SPON1: variants seen among roughly 807,000 people sequenced by gnomAD.
SPON1 encodes spondin 1, also known as spondin-1.
A neutral mutation model predicts 111.7 loss-of-function variants in SPON1; 52 were observed. The ratio of observed to expected loss-of-function variants is 0.47; its 90% CI spans 0.37 to 0.59. SPON1 has a LOEUF of 0.59. SPON1 is among the 20% of genes least tolerant of loss of function. The pLI is 0.00. For missense variants in SPON1, 957 were observed against 1,068.5 expected, an observed-to-expected ratio of 0.90 and a Z score of 1.46; for synonymous variants, 410 against 395.8, an observed-to-expected ratio of 1.04 and a Z score of -0.43.
intron 3 of SPON1, among the ~76,000 whole-genome samples, chr11:14,057,249 C>T (rs150776870): frequency 6.6e-4 from 100 of 152,280 alleles, no homozygotes; most frequent in African/African-American, 1.6e-3. Flanking sequence ...GAGAAGAAAA[C>T]GACACAGTGC....
intron 6 of SPON1, among the ~76,000 whole-genome samples, chr11:14,174,962 T>C (rs913231976): frequency 6.4e-5 from 9 of 140,286 alleles, no homozygotes; most frequent in Non-Finnish European, 1.0e-4. Flanking sequence ...CAGTTTCTTT[T>C]TTTATAGGAG....
At chr11:14,162,001 C>CA (rs1324469555) in intron 6 of SPON1, among the ~76,000 whole-genome samples, 25 of 150,790 alleles carry the variant, frequency 1.7e-4, no homozygotes, top group East Asian at 3.9e-4. Flanking sequence ...TAAAAATATA[C>CA]AAAAAAAATG....
chr11:14,180,892 G>T (rs557405858), intron 6 of SPON1, among the ~76,000 whole-genome samples: 11 of 152,292 alleles, frequency 7.2e-5, no homozygotes, highest in Admixed American at 7.2e-4. Flanking sequence ...TAAATGTTTT[G>T]AATATATGAA....
chr11:14,012,478 C>T (rs1848413078), intron 2 of SPON1, among the ~76,000 whole-genome samples: 1 of 152,180 alleles, frequency 6.6e-6, no homozygotes, highest in Non-Finnish European at 1.5e-5. Context: ...AGCATATTCT[C>T]AGTGGCGACG....
intron 6 of SPON1, among the ~76,000 whole-genome samples, chr11:14,137,899 G>T (rs1199616424): frequency 6.6e-6 from 1 of 152,160 alleles, no homozygotes; most frequent in African/African-American, 2.4e-5. Flanking sequence ...CAGTTGGATA[G>T]GGTGATTTCA....
intron 6 of SPON1, among the ~76,000 whole-genome samples, chr11:14,159,756 A>G (rs1297375102): frequency 2.0e-5 from 3 of 152,148 alleles, no homozygotes; most frequent in East Asian, 3.8e-4. Context: ...ACTGGATATC[A>G]TTATGTTAAG....
chr11:13,982,800 A>C, intron 1 of SPON1, 47 bp from the exon 2 acceptor site: 1 of 1,296,906 alleles, frequency 7.7e-7, no homozygotes, highest in Non-Finnish European at 1.1e-6. Flanking sequence ...ACAAATGGAC[A>C]ATAATTGATT....
At chr11:14,049,648 G>A (rs547055643) in intron 3 of SPON1, among the ~76,000 whole-genome samples, 1 of 152,270 alleles carries the variant, frequency 6.6e-6, no homozygotes, top group East Asian at 1.9e-4. Flanking sequence ...AGGACACAGA[G>A]GCTGCCTTTG....
chr11:13,995,215 G>A (rs149566065), intron 2 of SPON1, among the ~76,000 whole-genome samples: 4 of 152,112 alleles, frequency 2.6e-5, no homozygotes, highest in Non-Finnish European at 5.9e-5. Context: ...TTGCTGACAT[G>A]AATTAATGAA....
chr11:14,161,033 A>C (rs1372762333), intron 6 of SPON1, among the ~76,000 whole-genome samples: 1 of 85,586 alleles, frequency 1.2e-5, no homozygotes, highest in South Asian at 3.7e-4. Flanking sequence ...ATATATTTAT[A>C]TATATCTATA....
intron 5 of SPON1, among the ~76,000 whole-genome samples, chr11:14,101,267 G>A (rs113118606): frequency 0.17 from 26,055 of 151,828 alleles, 2,355 homozygotes; most frequent in Middle Eastern, 0.24. Flanking sequence ...GGGAGTGGTG[G>A]TGCATGCCTG....
chr11:14,051,410 C>A (rs1848706315), intron 3 of SPON1, among the ~76,000 whole-genome samples: 1 of 151,986 alleles, frequency 6.6e-6, no homozygotes, highest in Non-Finnish European at 1.5e-5. Context: ...CTGGTGAGAG[C>A]CTATAGTCCC....
chr11:14,134,182 A>G (rs2133860189), intron 5 of SPON1, among the ~76,000 whole-genome samples: 1 of 152,236 alleles, frequency 6.6e-6, no homozygotes. Flanking sequence ...CCTCTTTGAT[A>G]TGCCTGAAAA....
intron 2 of SPON1, among the ~76,000 whole-genome samples, chr11:13,996,711 G>GTGTGTATATA (rs535844829): frequency 2.8e-5 from 4 of 145,142 alleles, no homozygotes; most frequent in African/African-American, 1.1e-4. Flanking sequence ...ACCTATGTGT[G>GTGTGTATATA]TATATATATA....
intron 6 of SPON1, among the ~76,000 whole-genome samples, chr11:14,201,403 T>A (rs1415347713): frequency 6.6e-6 from 1 of 151,940 alleles, no homozygotes; most frequent in Non-Finnish European, 1.5e-5. Flanking sequence ...TTTGATTTTT[T>A]TTTTTTTCTT....
chr11:14,177,230 C>T (rs531640664), intron 6 of SPON1, among the ~76,000 whole-genome samples: 2 of 152,194 alleles, frequency 1.3e-5, no homozygotes, highest in African/African-American at 4.8e-5. Context: ...TTAGTAGAGA[C>T]GGGGTTTCAC....
intron 7 of SPON1, among the ~76,000 whole-genome samples, chr11:14,250,046 T>C (rs538890945): frequency 6.6e-6 from 1 of 152,324 alleles, no homozygotes; most frequent in Non-Finnish European, 1.5e-5. Context: ...CTGATGTGAA[T>C]TGTCTGTTCA....
chr11:13,973,642 G>A (rs1554908830), intron 1 of SPON1, among the ~76,000 whole-genome samples: 2 of 152,174 alleles, frequency 1.3e-5, no homozygotes, highest in African/African-American at 2.4e-5. Context: ...TTATTTCACA[G>A]AGGAGACTGA....
rs372634805 is a variant in SPON1 at position 14,151,095 on chromosome 11, A to T, written c.825+15527A>T. ...TGCCACCGTTGCATCTGGTCTGCAG[A>T]TCTGTTTTCCAAAGAGCCATATGCG... On this transcript the variant is annotated intron_variant, in intron 6 of 15. Coordinates refer to ENST00000576479, the MANE Select transcript of SPON1 (RefSeq NM_006108.4). Among the ~76,000 whole-genome samples the T allele has an allele frequency of 1.3e-4, 20 of 152,276 alleles. No individual in the cohort carries two copies. In the South Asian group the frequency reaches 3.9e-3, roughly 30 times the overall value.
Sources: allele counts gnomAD v4.1 joint callset (sites outside exome capture counted in the v4.1 genomes callset), GRCh38; gene constraint gnomAD v4.1.1; transcripts MANE v1.5; gene names NCBI Gene and HGNC (gene_info 2026-07-23, HGNC 2026-07-21).